DNAJC13: variants seen among roughly 807,000 people sequenced by gnomAD.
The protein encoded by DNAJC13 is DnaJ heat shock protein family (Hsp40) member C13.
DNAJC13 carries 75 observed loss-of-function variants against 290.5 expected under a neutral mutation model. The ratio of observed to expected loss-of-function variants is 0.26; its 90% CI spans 0.21 to 0.31. DNAJC13 has a LOEUF of 0.31. DNAJC13 is among the 10% of genes least tolerant of loss of function. DNAJC13 has a pLI of 1.00. For synonymous variants in DNAJC13, 862 were observed against 892.0 expected (o/e 0.97, Z 0.60); for missense variants, 2,260 against 2,674.5 (o/e 0.85, Z 3.42).
intron 29 of DNAJC13, 82 bp downstream of exon 29, chr3:132,484,754 T>G (rs1434814686): frequency 8.4e-6 from 11 of 1,307,182 alleles, no homozygotes; most frequent in Non-Finnish European, 1.2e-5. Flanking sequence ...TTTGTTTTGT[T>G]GCAGTCTATT....
chr3:132,422,339 C>G (rs568361585), intron 1 of DNAJC13, among the ~76,000 whole-genome samples: 1 of 152,186 alleles, frequency 6.6e-6, no homozygotes, highest in Non-Finnish European at 1.5e-5. Context: ...ACCTGGCTCA[C>G]TTGGACACTT....
At chr3:132,521,818 A>G (rs545820444) in intron 48 of DNAJC13, among the ~76,000 whole-genome samples, 2 of 152,354 alleles carry the variant, frequency 1.3e-5, no homozygotes, top group African/African-American at 4.8e-5. Flanking sequence ...TGTTGAGTTT[A>G]CCTTGATGGT....
At chr3:132,435,097 G>A (rs550298169) in intron 2 of DNAJC13, among the ~76,000 whole-genome samples, 1 of 152,196 alleles carries the variant, frequency 6.6e-6, no homozygotes, top group South Asian at 2.1e-4. Context: ...AGGGAGTGAT[G>A]GCATTTTTTA....
At position 132,538,470 on chromosome 3, in the gene DNAJC13, CTG is replaced by C; in HGVS notation, c.*191_*192del. Reference sequence around the variant, plus strand: ...TTGTATCACATTATAAGAAAGCACTCTGTGGATCAACATAAGTGGGTACACAA... The same window carrying C: ...TTGTATCACATTATAAGAAAGCACTCTGGATCAACATAAGTGGGTACACAA... On this transcript the variant is annotated 3_prime_UTR_variant, in exon 56 of 56. Transcript: ENST00000260818. 1 of 475,286 alleles carries C rather than the reference CTG, an allele frequency of 2.1e-6. No individual in the cohort carries two copies. Among genetic ancestry groups the C allele is most frequent in the Non-Finnish European group, 3.7e-6 (1 of 273,622 alleles). The allele number at this position is 475,286 out of a possible 1,614,324, so 29.4% of individuals were successfully genotyped here.
At position 132,484,596 on chromosome 3, in the gene DNAJC13, A is replaced by G. The variant is rs1934790844; in HGVS notation, c.3191A>G (p.Asp1064Gly). The stretch of plus-strand genomic sequence containing the variant: ...GAGAAAATGTTTTCTAGGGATCAAG[A>G]CAATGCCATCATTCGGCCTCTACCC... ...MCGYFPSRDQ[D>G]NAIIRPLPKV... The change falls in exon 29 of 56, where the codon GAC (aspartate) becomes GGC (glycine). Residue 1064 changes from aspartate (D) to glycine (G), a missense_variant. Around this residue, in one of 3 missense-constraint regions of DNAJC13, gnomAD observed 1,494 missense variants for 1,693.7 expected, o/e 0.88. Coordinates refer to ENST00000260818, the MANE Select transcript of DNAJC13 (RefSeq NM_015268.4). 4 of 1,613,954 alleles carry G rather than the reference A, an allele frequency of 2.5e-6. No homozygotes were observed. The South Asian group carries it at 4.4e-5, about 18-fold the overall frequency.
At chr3:132,431,337 CAA>C (rs778096613) in intron 1 of DNAJC13, among the ~76,000 whole-genome samples, 2 of 151,888 alleles carry the variant, frequency 1.3e-5, no homozygotes, top group Non-Finnish European at 2.9e-5. Flanking sequence ...GGGGGAAAAA[CAA>C]GAGTAAGAGG....
rs761079311 is a variant in DNAJC13 at position 132,483,572 on chromosome 3, A to G, written c.3177A>G (p.Pro1059=). 3 of 1,613,760 alleles carry G rather than the reference A, an allele frequency of 1.9e-6. No individual in the cohort carries two copies. Among genetic ancestry groups the G allele is most frequent in the East Asian group, 4.5e-5 (2 of 44,888 alleles). Residue 1059 remains proline, a synonymous_variant, in exon 28 of 56, where the codon CCA becomes CCG. Transcript: ENST00000260818. ...NMLITMCGYF[P]SRDQDNAIIR... is the part of the protein sequence containing the mutation. Reference sequence around the variant, plus strand: ...TGATCACAATGTGTGGATATTTTCCAAGCAGGTAAAATGTAATTGAATGTT... The same window carrying G: ...TGATCACAATGTGTGGATATTTTCCGAGCAGGTAAAATGTAATTGAATGTT...
intron 51 of DNAJC13, 150 bp downstream of exon 51, chr3:132,523,863 C>G (rs746558504): frequency 1.4e-6 from 1 of 731,376 alleles, no homozygotes; most frequent in South Asian, 2.4e-5. Context: ...ATATGCCCCT[C>G]GATCATTTTT....
chr3:132,431,705 T>G (rs1171458906), intron 1 of DNAJC13, among the ~76,000 whole-genome samples: 1 of 152,210 alleles, frequency 6.6e-6, no homozygotes, highest in East Asian at 1.9e-4. Flanking sequence ...CATAGTTGTA[T>G]TATTCATAAT....
rs138367039 is a variant in DNAJC13 at position 132,538,225 on chromosome 3, G to A, written c.6675G>A (p.Met2225Ile). 8,935 of 1,613,884 alleles carry A rather than the reference G, an allele frequency of 5.5e-3. 158 individuals are homozygous for A. In the Admixed American group the frequency reaches 0.061, roughly 11 times the overall value. The change falls in exon 56 of 56, where the codon ATG becomes ATA. Residue 2225 changes from methionine to isoleucine, a missense_variant. Coordinates refer to ENST00000260818, the MANE Select transcript of DNAJC13 (RefSeq NM_015268.4). ...YLTAGTSTSV[M>I]SNLPPPVDHE... ...CCGCAGGTACATCTACATCAGTCAT[G>A]TCTAACCTGCCACCTCCTGTAGACC...
At chr3:132,428,077 C>T (rs2107643610) in intron 1 of DNAJC13, among the ~76,000 whole-genome samples, 1 of 152,272 alleles carries the variant, frequency 6.6e-6, no homozygotes, top group East Asian at 1.9e-4. Context: ...GGAGGTATTC[C>T]AGGGTCTTCC....
At chr3:132,467,039 A>G (rs766028236) in intron 19 of DNAJC13, 131 bp from the exon 20 acceptor site, 28 of 1,005,134 alleles carry the variant, frequency 2.8e-5, no homozygotes, top group Non-Finnish European at 3.1e-5. Context: ...AGAAGTTTTC[A>G]GTTTGTTTCT....
chr3:132,493,859 C>A (rs1935143233), intron 33 of DNAJC13, among the ~76,000 whole-genome samples: 1 of 151,978 alleles, frequency 6.6e-6, no homozygotes, highest in Admixed American at 6.6e-5. Flanking sequence ...AAAAATAAAT[C>A]TTAATTCTTC....
At chr3:132,533,634 G>GT (rs1285332797) in intron 55 of DNAJC13, among the ~76,000 whole-genome samples, 2 of 152,142 alleles carry the variant, frequency 1.3e-5, no homozygotes, top group Non-Finnish European at 2.9e-5. Context: ...GATTACAGGT[G>GT]TGAGCCACTG....
rs371056688 is a variant in DNAJC13 at position 132,477,392 on chromosome 3, G to A, written c.2446-397G>A. On this transcript the variant is annotated intron_variant, in intron 22 of 55. Coordinates refer to ENST00000260818, the MANE Select transcript of DNAJC13 (RefSeq NM_015268.4). ...TACGAAAATGTAAAAGGTAGTTGAT[G>A]TGTTGGTTTTAAGTCTGGCACATCA... is the stretch of plus-strand genomic sequence containing the variant. 2.1e-4 allele frequency among the ~76,000 whole-genome samples: 32 copies of A among 152,312 alleles called. 2 individuals are homozygous for A. The East Asian group carries it at 4.2e-3, about 20-fold the overall frequency.
chr3:132,506,904 A>G (rs2107726774), intron 42 of DNAJC13, among the ~76,000 whole-genome samples: 1 of 152,228 alleles, frequency 6.6e-6, no homozygotes, highest in African/African-American at 2.4e-5. Flanking sequence ...CAGCTCTGTC[A>G]TCCTACGTCT....
At chr3:132,433,545 G>T (rs915583344) in intron 1 of DNAJC13, among the ~76,000 whole-genome samples, 3 of 152,104 alleles carry the variant, frequency 2.0e-5, no homozygotes, top group African/African-American at 7.2e-5. Context: ...AGAATGGCTG[G>T]GGTTATAGGC....
intron 27 of DNAJC13, among the ~76,000 whole-genome samples, chr3:132,483,048 C>G (rs939081386): frequency 3.3e-5 from 5 of 152,164 alleles, no homozygotes; most frequent in African/African-American, 1.2e-4. Context: ...CTCCCAGGCT[C>G]ATTTCGAATT....
intron 2 of DNAJC13, among the ~76,000 whole-genome samples, chr3:132,437,030 C>T (rs1018078762): frequency 6.6e-6 from 1 of 151,944 alleles, no homozygotes; most frequent in Non-Finnish European, 1.5e-5. Context: ...AGGCACATGC[C>T]ACCATGCCTA....
Sources: gnomAD v4.1 joint callset for allele counts (sites outside exome capture counted in the v4.1 genomes callset) on GRCh38, gnomAD v4.1.1 for gene constraint, gnomAD v4.1.1 regional missense constraint, MANE v1.5 for transcripts, NCBI Gene and HGNC (gene_info 2026-07-23, HGNC 2026-07-21) for gene names.